CCAR1: variants seen among roughly 807,000 people sequenced by gnomAD.
CCAR1 encodes the protein cell division cycle and apoptosis regulator protein 1.
In CCAR1, 78 loss-of-function variants were observed where a neutral mutation model predicts 163.8. That is an observed-to-expected ratio of 0.48 (90% confidence interval 0.40 to 0.57). The LOEUF (loss-of-function observed/expected upper bound fraction) is 0.57, where lower values mean the gene tolerates loss of function less well. CCAR1 is among the 20% of genes least tolerant of loss of function. CCAR1 has a pLI of 0.00. For missense variants in CCAR1, 1,019 were observed against 1,365.2 expected (o/e 0.75, Z 4.00); for synonymous variants, 443 against 460.7 (o/e 0.96, Z 0.49).
At position 68,752,062 on chromosome 10, in the gene CCAR1, G is replaced by A. The variant is rs566588991; in HGVS notation, c.1119-1790G>A. 5.4e-4 allele frequency among the ~76,000 whole-genome samples: 82 copies of A among 150,596 alleles called. 1 individual carries two copies. The highest frequency in any genetic ancestry group is 1.0e-3 in the Non-Finnish European group (70 of 67,592). On this transcript the variant is annotated intron_variant, in intron 10 of 24. Transcript: ENST00000265872. Reference sequence around the variant, plus strand: ...CTCCCGAGTAGCTGGGACTACAGGCGCCCGCTACCACGCCCAGCTAATTTT... The same window carrying A: ...CTCCCGAGTAGCTGGGACTACAGGCACCCGCTACCACGCCCAGCTAATTTT...
At chr10:68,766,650 C>G (rs1228781885) in intron 17 of CCAR1, among the ~76,000 whole-genome samples, 1 of 151,946 alleles carries the variant, frequency 6.6e-6, no homozygotes, top group African/African-American at 2.4e-5. Flanking sequence ...CCTCAGCCTC[C>G]CGAGTAGCTG....
At chr10:68,779,573 C>G (rs1003443741) in intron 19 of CCAR1, among the ~76,000 whole-genome samples, 1 of 152,026 alleles carries the variant, frequency 6.6e-6, no homozygotes, top group Non-Finnish European at 1.5e-5. Flanking sequence ...TTTTTCTTAT[C>G]AAGTTAATGA....
At chr10:68,754,687 C>A in intron 11 of CCAR1, 27 bp from the exon 12 acceptor site, 1 of 1,183,262 alleles carries the variant, frequency 8.5e-7, no homozygotes, top group Non-Finnish European at 1.2e-6. Context: ...AGACTTTTGA[C>A]AGGATTGAAT....
In CCAR1 at chr10:68,761,251, T is replaced by C. The variant is rs573715160; in HGVS notation, c.2106+59T>C. ...ATTAATATTCATGTATAGGGTGTTC[T>C]TGGAATACGTGAGTTAAGATTATGT... On this transcript the variant is annotated intron_variant, in intron 16 of 24. Coordinates refer to ENST00000265872, the MANE Select transcript of CCAR1 (RefSeq NM_018237.4). The C allele has an allele frequency of 1.0e-5, 9 of 868,774 alleles. No homozygotes were observed. In the South Asian group the frequency reaches 2.9e-4, roughly 28 times the overall value. 53.8% of individuals were successfully genotyped at this position (868,774 alleles called of 1,614,324 possible).
At chr10:68,753,459 C>T (rs370275612) in intron 10 of CCAR1, among the ~76,000 whole-genome samples, 7 of 152,066 alleles carry the variant, frequency 4.6e-5, no homozygotes, top group African/African-American at 1.2e-4. Context: ...GATTGAGGGG[C>T]GTACAGAAAT....
At position 68,747,175 on chromosome 10, in the gene CCAR1, A is replaced by G. The variant is rs753595903; in HGVS notation, c.533A>G (p.Lys178Arg). 9 of 1,585,826 alleles carry G rather than the reference A, an allele frequency of 5.7e-6. No homozygotes were observed. The highest frequency in any genetic ancestry group is 7.7e-6 in the Non-Finnish European group (9 of 1,168,222). Residue 178 changes from lysine to arginine, a missense_variant, in exon 7 of 25, where the codon AAA (lysine) becomes AGA (arginine). Transcript: ENST00000265872. ...TTTTTTTACAGTGCTGTCAAAGGGA[A>G]AACCCCCCAAGTAGGTGACAGAGTA... ...VFFQLSAVKGKTPQVGDRVLV... is the reference protein window; with the variant it reads ...VFFQLSAVKGRTPQVGDRVLV...
At chr10:68,777,337 TTTG>T (rs1432723498) in intron 19 of CCAR1, among the ~76,000 whole-genome samples, 2 of 152,182 alleles carry the variant, frequency 1.3e-5, no homozygotes, top group African/African-American at 4.8e-5. Context: ...ATTTCATTCT[TTTG>T]TTCAAATTCT....
In CCAR1 at chr10:68,771,400, A is replaced by G. The variant is rs757470825; in HGVS notation, c.2493A>G (p.Lys831=). Residue 831 remains lysine, a synonymous_variant, in exon 18 of 25, where the codon AAA becomes AAG. Coordinates refer to ENST00000265872, the MANE Select transcript of CCAR1 (RefSeq NM_018237.4). ...ETDEPKPKRR[K]SGDDKDKKED... is the part of the protein sequence containing the mutation. ...ATGAACCAAAACCCAAACGGAGAAAATCAGGCGATGATAAAGATAAAAAAG... is the reference window on the plus strand; with the variant it reads ...ATGAACCAAAACCCAAACGGAGAAAGTCAGGCGATGATAAAGATAAAAAAG... 3.8e-6 allele frequency: 6 copies of G among 1,590,776 alleles called. No homozygotes were observed. The highest frequency in any genetic ancestry group is 3.4e-6 in the Non-Finnish European group (4 of 1,169,618).
intron 11 of CCAR1, 59 bp downstream of exon 11, chr10:68,754,136 G>A (rs576306215): frequency 2.5e-6 from 3 of 1,186,036 alleles, no homozygotes; most frequent in Non-Finnish European, 3.7e-6. Context: ...ATAATAAAAG[G>A]GTATGTAGAA....
rs960942101 is a variant in CCAR1, at chr10:68,737,334, G to A, written c.246+286G>A. On this transcript the variant is annotated intron_variant, in intron 3 of 24. Coordinates refer to ENST00000265872, the MANE Select transcript of CCAR1 (RefSeq NM_018237.4). ...AGCCTGTGCAACGTGGTGAGACAGC[G>A]TCTGCAGAAAACACGAGAATTAGCC... Among the ~76,000 whole-genome samples, 6 of 151,942 alleles carry A rather than the reference G, an allele frequency of 3.9e-5. No homozygotes were observed. The East Asian group carries it at 5.8e-4, about 15-fold the overall frequency.
intron 18 of CCAR1, among the ~76,000 whole-genome samples, chr10:68,772,180 A>G (rs1220789711): frequency 6.6e-6 from 1 of 152,036 alleles, no homozygotes; most frequent in Non-Finnish European, 1.5e-5. Context: ...CACCCAGCCT[A>G]ATTATTATTA....
chr10:68,769,830 A>G (rs536606548), intron 17 of CCAR1, among the ~76,000 whole-genome samples: 4 of 151,370 alleles, frequency 2.6e-5, no homozygotes, highest in East Asian at 2.0e-4. Context: ...AGGCCCAGCT[A>G]CTGGGGAGGC....
Position 68,773,639 on chromosome 10 carries a change from C to G in CCAR1, c.2650+540C>G, listed in dbSNP as rs1253996012. On this transcript the variant is annotated intron_variant, in intron 19 of 24. Coordinates refer to ENST00000265872, the MANE Select transcript of CCAR1 (RefSeq NM_018237.4). ...CAAGATCGTGCCATTGCACTCCAGTCTGGGCAATAGAGTGAGACCCTGTCT... is the reference window on the plus strand; with the variant it reads ...CAAGATCGTGCCATTGCACTCCAGTGTGGGCAATAGAGTGAGACCCTGTCT... 2.6e-5 allele frequency among the ~76,000 whole-genome samples: 4 copies of G among 151,398 alleles called. No individual in the cohort carries two copies. In the East Asian group the frequency reaches 5.8e-4, roughly 22 times the overall value.
chr10:68,773,095 A>T lies in CCAR1; in HGVS notation c.2646A>T (p.Glu882Asp). The change falls in exon 19 of 25, where the codon GAA becomes GAT. Residue 882 changes from glutamate (E) to aspartate (D), a missense_variant. Around this residue, in one of 4 missense-constraint regions of CCAR1, gnomAD observed 358 missense variants for 406.4 expected, o/e 0.88. Transcript: ENST00000265872. Reference protein sequence around the residue: ...PMEAEEAEDEEDDRDEEEMTK... With the variant: ...PMEAEEAEDEDDDRDEEEMTK... ...AAGCAGAAGAAGCTGAGGATGAAGA[A>T]GATGGTATGATTGAAATTTATTTAT... is the stretch of plus-strand genomic sequence containing the variant. The T allele has an allele frequency of 6.8e-7, 1 of 1,469,742 alleles. No individual in the cohort carries two copies. Among genetic ancestry groups the T allele is most frequent in the Non-Finnish European group, 9.3e-7 (1 of 1,071,224 alleles). The allele number at this position is 1,469,742 out of a possible 1,614,324, so 91.0% of individuals were successfully genotyped here. A position where few individuals can be genotyped will look rare whatever the true frequency, so the allele number is the denominator to read the frequency against.
chr10:68,768,005 A>G (rs2056556476), intron 17 of CCAR1, among the ~76,000 whole-genome samples: 1 of 152,152 alleles, frequency 6.6e-6, no homozygotes, highest in Admixed American at 6.6e-5. Flanking sequence ...ACTGTGTTTA[A>G]TTATTGTATC....
intron 2 of CCAR1, among the ~76,000 whole-genome samples, chr10:68,725,195 A>T (rs566396892): frequency 3.8e-4 from 58 of 152,080 alleles, no homozygotes; most frequent in Non-Finnish European, 7.6e-4. Flanking sequence ...TTTCAAAATA[A>T]AGTCAACAAG....
chr10:68,786,725 C>T (rs2056799164), intron 21 of CCAR1, 33 bp downstream of exon 21: 14 of 1,545,626 alleles, frequency 9.1e-6, no homozygotes, highest in Non-Finnish European at 1.2e-5. Flanking sequence ...AAAAGGAAAA[C>T]ATTTTTTAAA....
At chr10:68,781,893 C>T (rs2056740873) in intron 19 of CCAR1, among the ~76,000 whole-genome samples, 1 of 151,998 alleles carries the variant, frequency 6.6e-6, no homozygotes, top group Admixed American at 6.6e-5. Flanking sequence ...CCAAAATGGC[C>T]TTGGAGTGTT....
chr10:68,753,475 T>C (rs2056361094), intron 10 of CCAR1, among the ~76,000 whole-genome samples: 1 of 152,322 alleles, frequency 6.6e-6, no homozygotes, highest in Admixed American at 6.5e-5. Context: ...GAAATACTAA[T>C]ACTCTCATTG....
Sources: allele counts gnomAD v4.1 joint callset (sites outside exome capture counted in the v4.1 genomes callset), GRCh38; gene constraint gnomAD v4.1.1; regional missense constraint gnomAD v4.1.1; transcripts MANE v1.5; gene names NCBI Gene and HGNC (gene_info 2026-07-23, HGNC 2026-07-21).